ZNRF3: variants seen among roughly 807,000 people sequenced by gnomAD.
ZNRF3 encodes zinc and ring finger 3, also known as E3 ubiquitin-protein ligase ZNRF3.
A neutral mutation model predicts 72.5 loss-of-function variants in ZNRF3; 23 were observed. That is an observed-to-expected ratio of 0.32 (90% CI 0.23 to 0.45). The LOEUF is 0.45. ZNRF3 is among the 20% of genes least tolerant of loss of function. The pLI, the probability that ZNRF3 is intolerant of heterozygous loss-of-function variation, is 1.00. For missense variants in ZNRF3, 1,169 were observed against 1,272.1 expected, an observed-to-expected ratio of 0.92 and a Z score of 1.23; for synonymous variants, 610 against 545.3, an observed-to-expected ratio of 1.12 and a Z score of -1.65.
rs748413932 is a variant in ZNRF3 at position 29,049,420 on chromosome 22, C to G, written c.1239C>G (p.Pro413=). ...GEQSLYSPQT[P]AYIRSYPPLH... is the part of the protein sequence containing the mutation. The stretch of plus-strand genomic sequence containing the variant: ...AGAGCCTCTATTCCCCGCAGACCCC[C>G]GCCTACATCCGCAGCTACCCACCCC... The change falls in exon 8 of 9, where the codon CCC becomes CCG. Residue 413 remains proline (P), a synonymous_variant. Coordinates refer to ENST00000544604, the MANE Select transcript of ZNRF3 (RefSeq NM_001206998.2). The surrounding 1 kb of genome is among the most constrained non-coding windows in gnomAD (Gnocchi z 5.2). The G allele has an allele frequency of 1.2e-6, 2 of 1,607,434 alleles. No individual in the cohort carries two copies. Among genetic ancestry groups the G allele is most frequent in the South Asian group, 2.2e-5 (2 of 90,836 alleles).
At position 28,995,967 on chromosome 22, in the gene ZNRF3, G is replaced by A. The variant is rs1181710837; in HGVS notation, c.426+8766G>A. On this transcript the variant is annotated intron_variant, in intron 2 of 8. Transcript: ENST00000544604. ...ATTTTTCTATTTTTAATAGAGATGT[G>A]GTTTTGCCATGTTGCCCAGGCTGGT... 2.0e-5 allele frequency among the ~76,000 whole-genome samples: 3 copies of A among 152,138 alleles called. No homozygotes were observed. The East Asian group carries it at 5.8e-4, about 29-fold the overall frequency.
chr22:28,919,534 C>G (rs1228792170), intron 1 of ZNRF3, among the ~76,000 whole-genome samples: 1 of 151,448 alleles, frequency 6.6e-6, no homozygotes, highest in East Asian at 1.9e-4. Flanking sequence ...GACTTTTAGC[C>G]TCTTTACTTT....
intron 1 of ZNRF3, among the ~76,000 whole-genome samples, chr22:28,890,284 A>G (rs2033860875): frequency 6.6e-6 from 1 of 152,222 alleles, no homozygotes; most frequent in Admixed American, 6.5e-5. Flanking sequence ...GCAGATCACA[A>G]GGTCAGGAGA....
intron 1 of ZNRF3, among the ~76,000 whole-genome samples, chr22:28,910,260 C>T (rs558520394): frequency 0.01 from 1,584 of 152,156 alleles, 23 homozygotes; most frequent in South Asian, 0.035. Context: ...AGATTGGTCT[C>T]GAACTCCTGA....
intron 1 of ZNRF3, among the ~76,000 whole-genome samples, chr22:28,929,594 C>A (rs774258053): frequency 1.3e-5 from 2 of 152,104 alleles, no homozygotes; most frequent in Non-Finnish European, 2.9e-5. Context: ...TAAATTTCTG[C>A]GGAGGGACAT....
intron 1 of ZNRF3, among the ~76,000 whole-genome samples, chr22:28,897,016 G>A (rs530946179): frequency 3.9e-5 from 6 of 152,248 alleles, no homozygotes; most frequent in Admixed American, 2.0e-4. Flanking sequence ...CGATCCTTCC[G>A]TCTCAGCCTT....
rs2034398507 is a variant in ZNRF3 at position 28,915,866 on chromosome 22, C to T, written c.300+31800C>T. Among the ~76,000 whole-genome samples the T allele has an allele frequency of 2.0e-5, 3 of 152,292 alleles. No individual in the cohort carries two copies. The South Asian group carries it at 6.2e-4, about 32-fold the overall frequency. ...ACACGGGCACCGCCCCCATATCCCA[C>T]CCCATGCATCCAGTGCTAACTTTAT... On this transcript the variant is annotated intron_variant, in intron 1 of 8. Transcript: ENST00000544604.
intron 1 of ZNRF3, among the ~76,000 whole-genome samples, chr22:28,932,555 A>G (rs2123779214): frequency 6.6e-6 from 1 of 152,236 alleles, no homozygotes; most frequent in South Asian, 2.1e-4. Flanking sequence ...TGTCCTTGTG[A>G]TCTATCACCA....
chr22:28,997,090 T>G (rs2036056919), intron 2 of ZNRF3, among the ~76,000 whole-genome samples: 1 of 152,154 alleles, frequency 6.6e-6, no homozygotes, highest in African/African-American at 2.4e-5. Context: ...GGGTCTGATT[T>G]GCTGTGGGAA....
chr22:28,946,991 T>A (rs970668768), intron 1 of ZNRF3, among the ~76,000 whole-genome samples: 2 of 152,164 alleles, frequency 1.3e-5, no homozygotes, highest in African/African-American at 4.8e-5. Context: ...TGGGCAGGTA[T>A]TGAGAGGGTA....
rs771848438 is a variant in ZNRF3 at position 29,049,164 on chromosome 22, C to T, written c.1016-33C>T. 1.7e-4 allele frequency: 265 copies of T among 1,558,610 alleles called. No homozygotes were observed. The highest frequency in any genetic ancestry group is 2.2e-4 in the Non-Finnish European group (256 of 1,149,624). The stretch of plus-strand genomic sequence containing the variant: ...AGCCTCTGACACCAGTATGCTCAGC[C>T]CTGCCTACTCTGTTTCCTCCACTTG... On this transcript the variant is annotated intron_variant, in intron 7 of 8. Transcript: ENST00000544604. This position sits in a 1 kb window ranked among gnomAD's most constrained non-coding sequence, Gnocchi z 5.2.
chr22:28,986,188 T>C (rs1287404781), intron 1 of ZNRF3, among the ~76,000 whole-genome samples: 1 of 152,240 alleles, frequency 6.6e-6, no homozygotes, highest in African/African-American at 2.4e-5. Flanking sequence ...AGGACATAGA[T>C]ATCTTGGGGG....
chr22:28,946,699 C>G (rs778817202), intron 1 of ZNRF3, among the ~76,000 whole-genome samples: 3 of 152,150 alleles, frequency 2.0e-5, no homozygotes, highest in Non-Finnish European at 2.9e-5. Context: ...GATGATGGTT[C>G]TATGAACAGT....
At chr22:28,973,035 C>T (rs549414820) in intron 1 of ZNRF3, among the ~76,000 whole-genome samples, 51 of 152,122 alleles carry the variant, frequency 3.4e-4, no homozygotes, top group Admixed American at 7.2e-4. Context: ...CAGGCTGGAG[C>T]GCAGTGGAGC....
At chr22:29,013,218 T>C (rs1390463099) in intron 2 of ZNRF3, among the ~76,000 whole-genome samples, 1 of 152,208 alleles carries the variant, frequency 6.6e-6, no homozygotes, top group East Asian at 1.9e-4. Flanking sequence ...CCAAGATGTT[T>C]CTTTTTCAGC....
At chr22:29,022,793 C>T (rs2036563049) in intron 2 of ZNRF3, among the ~76,000 whole-genome samples, 1 of 152,158 alleles carries the variant, frequency 6.6e-6, no homozygotes, top group Non-Finnish European at 1.5e-5. Context: ...TTTCAAGATT[C>T]CATCTCCCTT....
Position 29,024,192 on chromosome 22 carries a change from T to C in ZNRF3, c.427-18303T>C, listed in dbSNP as rs1186050773. Reference sequence around the variant, plus strand: ...TTAATGACAGTCATTCACCTGTTATTGACCAAAGGAAGCGATCCGGCCCAA... The same window carrying C: ...TTAATGACAGTCATTCACCTGTTATCGACCAAAGGAAGCGATCCGGCCCAA... On this transcript the variant is annotated intron_variant, in intron 2 of 8. Transcript: ENST00000544604. 2.0e-5 allele frequency among the ~76,000 whole-genome samples: 3 copies of C among 152,218 alleles called. No individual in the cohort carries two copies. The South Asian group carries it at 6.2e-4, about 32-fold the overall frequency.
In ZNRF3 at chr22:29,052,830, AT is replaced by A. The variant is rs1004650350; in HGVS notation, c.2768-740del. 1.1e-4 allele frequency among the ~76,000 whole-genome samples: 17 copies of A among 151,508 alleles called. 1 individual carries two copies. The highest frequency in any genetic ancestry group is 2.5e-4 in the Non-Finnish European group (17 of 67,838). On this transcript the variant is annotated intron_variant, in intron 8 of 8. Transcript: ENST00000544604. Reference sequence around the variant, plus strand: ...CTCTTAAAAAAAAATTTAAAAAAAAATTTTTTTTTAATTAGCTGGGCACGGT... The same window carrying A: ...CTCTTAAAAAAAAATTTAAAAAAAAATTTTTTTTAATTAGCTGGGCACGGT...
intron 8 of ZNRF3, 60 bp from the exon 9 acceptor site, chr22:29,053,519 G>C: frequency 6.4e-7 from 1 of 1,571,192 alleles, no homozygotes; most frequent in Non-Finnish European, 8.7e-7. Context: ...TGAGTCCCTT[G>C]CCTGGTCCCA....
Sources: gnomAD v4.1 joint callset for allele counts (sites outside exome capture counted in the v4.1 genomes callset) on GRCh38, gnomAD v4.1.1 for gene constraint, Gnocchi (gnomAD v3.1) non-coding constraint, MANE v1.5 for transcripts, NCBI Gene and HGNC (gene_info 2026-07-23, HGNC 2026-07-21) for gene names.